CACNA1B: variants seen among roughly 807,000 people sequenced by gnomAD.
The protein encoded by CACNA1B is voltage-dependent N-type calcium channel subunit alpha-1B.
In CACNA1B, 70 loss-of-function variants were observed where a neutral mutation model predicts 247.2. The observed-to-expected ratio is 0.28, with a 90% confidence interval of 0.23 to 0.35. CACNA1B has a LOEUF of 0.35. Ranked by LOEUF, CACNA1B falls within the 10% of genes least tolerant of loss-of-function variation. The pLI is 1.00. For synonymous variants in CACNA1B, 1,231 were observed against 1,294.4 expected (o/e 0.95, Z 1.05); for missense variants, 2,367 against 3,197.4 (o/e 0.74, Z 6.26).
intron 3 of CACNA1B, among the ~76,000 whole-genome samples, chr9:137,909,878 C>T (rs941516858): frequency 8.5e-5 from 13 of 152,056 alleles, no homozygotes; most frequent in African/African-American, 2.9e-4. Context: ...TCAAGTGATT[C>T]TTGTGCCTCA....
chr9:138,010,813 G>A lies in CACNA1B; in HGVS notation c.2160+736G>A, dbSNP rs1272014403. 6.6e-6 allele frequency among the ~76,000 whole-genome samples: 1 copy of A among 152,218 alleles called. No homozygotes were observed. Among genetic ancestry groups the A allele is most frequent in the African/African-American group, 2.4e-5 (1 of 41,454 alleles). ...TGTGCATGTCTAGGGGTCTGACACA[G>A]TTCTGTCACTCCAGTCCAGTGTCTC... On this transcript the variant is annotated intron_variant, in intron 17 of 46. Coordinates refer to ENST00000371372, the MANE Select transcript of CACNA1B (RefSeq NM_000718.4). This position sits in a 1 kb window ranked among gnomAD's most constrained non-coding sequence, Gnocchi z 5.3.
chr9:138,001,519 T>A (rs1193400211), intron 15 of CACNA1B, among the ~76,000 whole-genome samples: 2 of 152,008 alleles, frequency 1.3e-5, no homozygotes, highest in African/African-American at 4.8e-5. Flanking sequence ...AGTAAAAGAT[T>A]AGAAGTATTG....
At chr9:138,030,749 G>A (rs895248363) in intron 20 of CACNA1B, among the ~76,000 whole-genome samples, 1 of 152,088 alleles carries the variant, frequency 6.6e-6, no homozygotes, top group Non-Finnish European at 1.5e-5. Context: ...TTCCTTAATA[G>A]ATACAGTGTT....
rs201394830 is a variant in CACNA1B, at chr9:138,058,660, T to C, written c.4400T>C (p.Phe1467Ser). 1 of 1,613,578 alleles carries C rather than the reference T, an allele frequency of 6.2e-7. No homozygotes were observed. The highest frequency in any genetic ancestry group is 8.5e-7 in the Non-Finnish European group (1 of 1,179,712). ...RQSFQYKTWT[F>S]VVSPPFEYFI... The stretch of plus-strand genomic sequence containing the variant: ...TCGTTCCAGTATAAGACGTGGACAT[T>C]TGTGGTCTCCCCGCCCTTTGAATAC... Residue 1467 changes from phenylalanine (F) to serine (S), a missense_variant, in exon 29 of 47, where the codon TTT becomes TCT. Physicochemically the swap from Phe to Ser is radical, Grantham distance 155. Transcript: ENST00000371372. This position sits in a 1 kb window ranked among gnomAD's most constrained non-coding sequence, Gnocchi z 4.7.
chr9:138,003,187 CT>C (rs567375680), intron 15 of CACNA1B, among the ~76,000 whole-genome samples: 55 of 132,188 alleles, frequency 4.2e-4, no homozygotes, highest in African/African-American at 9.5e-4. Flanking sequence ...CTCCAAATTT[CT>C]TTTTTTTTTA....
At chr9:138,024,011 A>G (rs1413373609) in intron 19 of CACNA1B, among the ~76,000 whole-genome samples, 200 bp downstream of exon 19, 2 of 152,178 alleles carry the variant, frequency 1.3e-5, no homozygotes, top group African/African-American at 2.4e-5. Context: ...GTTGACCTGT[A>G]AAAGGCTTGG....
intron 20 of CACNA1B, among the ~76,000 whole-genome samples, chr9:138,038,080 A>C (rs1027259746): frequency 6.6e-6 from 1 of 152,230 alleles, no homozygotes. Context: ...ATAAGTTTTC[A>C]AAATAATGAA....
chr9:138,038,655 G>A (rs1455189215), intron 20 of CACNA1B, among the ~76,000 whole-genome samples: 2 of 152,346 alleles, frequency 1.3e-5, no homozygotes, highest in East Asian at 1.9e-4. Context: ...CCCTGTGGGA[G>A]CCTAAGCCAC....
At chr9:137,953,121 C>G (rs1170103183) in intron 7 of CACNA1B, among the ~76,000 whole-genome samples, 1 of 152,142 alleles carries the variant, frequency 6.6e-6, no homozygotes, top group African/African-American at 2.4e-5. Flanking sequence ...GGCACACAGC[C>G]CCTCCTGTCC....
Position 138,120,309 on chromosome 9 carries a change from C to T in CACNA1B, c.6175C>T (p.Arg2059Cys), listed in dbSNP as rs202190108. The change falls in exon 45 of 47, where the codon CGC becomes TGC. Residue 2059 changes from arginine (R) to cysteine (C), a missense_variant. By Grantham distance (180) the Arg-to-Cys change is radical (BLOSUM62 -3). Transcript: ENST00000371372. Reference sequence around the variant, plus strand: ...CCACCACCACCACCGCTGCCACCGCCGCAGGGACAGGAAGCAGAGGTCCCT... The same window carrying T: ...CCACCACCACCACCGCTGCCACCGCTGCAGGGACAGGAAGCAGAGGTCCCT... ...SHHHHHRCHR[R>C]RDRKQRSLEK... 1.7e-5 allele frequency: 27 copies of T among 1,567,118 alleles called. No individual in the cohort carries two copies. Among genetic ancestry groups the T allele is most frequent in the Middle Eastern group, 1.7e-4 (1 of 5,796 alleles).
At chr9:137,958,706 G>A (rs1957977437) in intron 10 of CACNA1B, among the ~76,000 whole-genome samples, 1 of 152,168 alleles carries the variant, frequency 6.6e-6, no homozygotes, top group African/African-American at 2.4e-5. Context: ...CTGAGGGTAA[G>A]GGTGTGGTAC....
At chr9:137,948,617 A>T (rs945954636) in intron 6 of CACNA1B, among the ~76,000 whole-genome samples, 2 of 145,774 alleles carry the variant, frequency 1.4e-5, no homozygotes, top group African/African-American at 5.1e-5. Context: ...TGCCCAGAAT[A>T]AAAAAAAAAC....
intron 20 of CACNA1B, among the ~76,000 whole-genome samples, chr9:138,031,584 A>T (rs796264590): frequency 6.6e-6 from 1 of 152,212 alleles, no homozygotes; most frequent in African/African-American, 2.4e-5. Flanking sequence ...AGATATGTCA[A>T]TTGTTGAGAA....
chr9:138,048,927 A>G (rs928121750), intron 23 of CACNA1B, among the ~76,000 whole-genome samples: 8 of 152,230 alleles, frequency 5.3e-5, no homozygotes, highest in African/African-American at 1.9e-4. Context: ...CTTGTTGTCC[A>G]GGCTGGTCTT....
intron 12 of CACNA1B, among the ~76,000 whole-genome samples, chr9:137,981,540 G>A (rs1242713351): frequency 3.3e-5 from 5 of 152,114 alleles, no homozygotes; most frequent in African/African-American, 1.2e-4. Flanking sequence ...GCAGTGGCAC[G>A]ATCTCGGCTC....
At position 138,054,495 on chromosome 9, in the gene CACNA1B, G is replaced by A. The variant is rs997993375; in HGVS notation, c.3968+489G>A. On this transcript the variant is annotated intron_variant, in intron 26 of 46. Coordinates refer to ENST00000371372, the MANE Select transcript of CACNA1B (RefSeq NM_000718.4). The surrounding 1 kb of genome is among the most constrained non-coding windows in gnomAD (Gnocchi z 4.6). ...CTGGGGGAAAGCTGGTTAGCTGCCT[G>A]TGTGGACCCCGGGCAAGGCAGTACC... Among the ~76,000 whole-genome samples, 5 of 152,236 alleles carry A rather than the reference G, an allele frequency of 3.3e-5. No homozygotes were observed. The highest frequency in any genetic ancestry group is 2.6e-4 in the Admixed American group (4 of 15,288).
At chr9:138,017,947 G>A (rs1958813759) in intron 18 of CACNA1B, among the ~76,000 whole-genome samples, 1 of 119,886 alleles carries the variant, frequency 8.3e-6, no homozygotes, top group African/African-American at 4.0e-5. Context: ...GGTGCAGTTA[G>A]GCCACCTGCC....
At position 137,957,164 on chromosome 9, in the gene CACNA1B, C is replaced by T. The variant is rs1957958834; in HGVS notation, c.1243+337C>T. On this transcript the variant is annotated intron_variant, in intron 9 of 46. Coordinates refer to ENST00000371372, the MANE Select transcript of CACNA1B (RefSeq NM_000718.4). This position sits in a 1 kb window ranked among gnomAD's most constrained non-coding sequence, Gnocchi z 4.7. ...CTGGCACTAGTTACCAGCATAGCTG[C>T]AGCAGCAGGAAGGCTGCCCTCTCTG... Among the ~76,000 whole-genome samples, 1 of 152,236 alleles carries T rather than the reference C, an allele frequency of 6.6e-6. No individual in the cohort carries two copies. The highest frequency in any genetic ancestry group is 6.5e-5 in the Admixed American group (1 of 15,284).
At position 138,121,328 on chromosome 9, in the gene CACNA1B, T is replaced by C. The variant is rs1328237714; in HGVS notation, c.6490-141T>C. ...ACACAGGTGCCTGTTGCCTCCCTGG[T>C]CACCGCAGCCCGTTGTCCCCCATTG... is the stretch of plus-strand genomic sequence containing the variant. On this transcript the variant is annotated intron_variant, in intron 46 of 46. Transcript: ENST00000371372. This position sits in a 1 kb window ranked among gnomAD's most constrained non-coding sequence, Gnocchi z 6.8. 1 of 628,738 alleles carries C rather than the reference T, an allele frequency of 1.6e-6. No individual in the cohort carries two copies. The highest frequency in any genetic ancestry group is 2.9e-5 in the East Asian group (1 of 34,464). 38.9% of individuals were successfully genotyped at this position (628,738 alleles called of 1,614,324 possible). A position where few individuals can be genotyped will look rare whatever the true frequency, so the allele number is the denominator to read the frequency against.
Sources: gnomAD v4.1 joint callset for allele counts (sites outside exome capture counted in the v4.1 genomes callset) on GRCh38, gnomAD v4.1.1 for gene constraint, Gnocchi (gnomAD v3.1) non-coding constraint, MANE v1.5 for transcripts, NCBI Gene and HGNC (gene_info 2026-07-23, HGNC 2026-07-21) for gene names.